The following KAZN variants were observed in gnomAD, a reference collection of about 807,000 sequenced individuals.
KAZN encodes kazrin, periplakin interacting protein.
In KAZN, 40 loss-of-function variants were observed where a neutral mutation model predicts 87.4. The ratio of observed to expected loss-of-function variants is 0.46; its 90% CI spans 0.36 to 0.60. The LOEUF (loss-of-function observed/expected upper bound fraction) is 0.60, where lower values mean the gene tolerates loss of function less well. Ranked by LOEUF, KAZN falls within the 20% of genes least tolerant of loss-of-function variation. The pLI is 0.00. For missense variants in KAZN, 898 were observed against 1,073.9 expected (o/e 0.84, Z 2.29); for synonymous variants, 466 against 458.3 (o/e 1.02, Z -0.22).
chr1:14,016,140 G>A (rs936976745), intron 1 of KAZN, among the ~76,000 whole-genome samples: 3 of 152,144 alleles, frequency 2.0e-5, no homozygotes, highest in Non-Finnish European at 4.4e-5. Context: ...ACATCTCAGG[G>A]TGGGGTGCTC....
chr1:14,839,208 G>A (rs530974472), intron 1 of KAZN, among the ~76,000 whole-genome samples: 55 of 152,258 alleles, frequency 3.6e-4, no homozygotes, highest in Admixed American at 6.5e-4. Context: ...GTAGGATAGT[G>A]ATTAAGACTG....
intron 2 of KAZN, among the ~76,000 whole-genome samples, chr1:14,567,059 T>C (rs1274090997): frequency 1.3e-5 from 2 of 152,206 alleles, no homozygotes; most frequent in Non-Finnish European, 2.9e-5. Context: ...GAGGCCTACA[T>C]TTTGGCCTGT....
chr1:14,867,573 G>A (rs935263525), intron 1 of KAZN, among the ~76,000 whole-genome samples: 1 of 152,182 alleles, frequency 6.6e-6, no homozygotes, highest in Non-Finnish European at 1.5e-5. Flanking sequence ...CAAGGACGCC[G>A]AGAGGATGAA....
chr1:14,346,618 G>A (rs866469923), intron 2 of KAZN, among the ~76,000 whole-genome samples: 3 of 152,046 alleles, frequency 2.0e-5, no homozygotes, highest in East Asian at 3.9e-4. Flanking sequence ...GACTTCCAGC[G>A]CTCAGATCAG....
chr1:14,387,212 T>G (rs1304911755), intron 2 of KAZN, among the ~76,000 whole-genome samples: 3 of 152,114 alleles, frequency 2.0e-5, no homozygotes, highest in Non-Finnish European at 4.4e-5. Context: ...TTATACATTC[T>G]TCTAAATTTT....
In KAZN at chr1:14,057,244, C is replaced by G. The variant is rs1209327920; in HGVS notation, c.92-123191C>G. On this transcript the variant is annotated intron_variant, in intron 1 of 16. Coordinates refer to the KAZN transcript ENST00000636203. ...CTGGCTCCCAGGTTCAAGTGATTCT[C>G]CTGCTTCAGCCTCCTGAGTAGCTGG... Among the ~76,000 whole-genome samples the G allele has an allele frequency of 2.0e-5, 3 of 151,598 alleles. 1 individual carries two copies. The South Asian group carries it at 6.2e-4, about 32-fold the overall frequency.
rs148839561 is a variant in KAZN, at chr1:15,103,448, C to T, written c.1869C>T (p.Asp623=). 1.5e-5 allele frequency: 23 copies of T among 1,551,642 alleles called. No homozygotes were observed. Among genetic ancestry groups the T allele is most frequent in the Non-Finnish European group, 2.0e-5 (23 of 1,146,918 alleles). The part of the protein sequence containing the change: ...TNQRVLKWVR[D]IDLKEYADNL... ...AGCGGGTGCTCAAGTGGGTTCGAGA[C>T]ATCGACCTGAAGGTGAGGGTGATAG... Residue 623 remains aspartate, a synonymous_variant, in exon 12 of 15, where the codon GAC becomes GAT. Transcript: ENST00000376030.
At chr1:13,996,733 G>A (rs1639535915) in intron 1 of KAZN, among the ~76,000 whole-genome samples, 1 of 152,232 alleles carries the variant, frequency 6.6e-6, no homozygotes, top group African/African-American at 2.4e-5. Context: ...GGGAGGGGTG[G>A]CCACAGTCTC....
At chr1:14,894,772 T>C (rs1328405063) in intron 1 of KAZN, among the ~76,000 whole-genome samples, 2 of 152,270 alleles carry the variant, frequency 1.3e-5, no homozygotes, top group African/African-American at 4.8e-5. Context: ...ATGAATCTCC[T>C]TGCAGATTTC....
chr1:14,604,321 G>A (rs933085475), intron 1 of KAZN, among the ~76,000 whole-genome samples: 1 of 152,086 alleles, frequency 6.6e-6, no homozygotes, highest in Admixed American at 6.5e-5. Context: ...CATCCACAGG[G>A]GCAGATCATA....
intron 1 of KAZN, among the ~76,000 whole-genome samples, chr1:14,651,805 C>T (rs951893728): frequency 2.0e-5 from 3 of 152,074 alleles, no homozygotes; most frequent in African/African-American, 4.8e-5. Context: ...CTGGTTAATG[C>T]GTCTTAGTCT....
intron 2 of KAZN, among the ~76,000 whole-genome samples, chr1:15,032,487 C>A (rs557078046): frequency 6.6e-5 from 10 of 152,158 alleles, no homozygotes; most frequent in Admixed American, 5.2e-4. Flanking sequence ...CCACCGCGCC[C>A]AGCTGTGGAC....
chr1:14,839,064 G>A (rs1647624370), intron 1 of KAZN, among the ~76,000 whole-genome samples: 1 of 152,162 alleles, frequency 6.6e-6, no homozygotes, highest in Admixed American at 6.5e-5. Context: ...GTGCATGGAG[G>A]GAAGACTTTC....
intron 1 of KAZN, among the ~76,000 whole-genome samples, chr1:14,016,145 G>T (rs1640560755): frequency 6.6e-6 from 1 of 152,118 alleles, no homozygotes; most frequent in African/African-American, 2.4e-5. Context: ...TCAGGGTGGG[G>T]TGCTCATTTC....
intron 1 of KAZN, among the ~76,000 whole-genome samples, chr1:14,882,432 G>A (rs532105938): frequency 7.9e-5 from 12 of 152,248 alleles, no homozygotes; most frequent in Non-Finnish European, 1.5e-4. Context: ...TCTTGGCCTC[G>A]GTTTCCTTGT....
At chr1:14,673,533 G>A (rs747073707) in intron 1 of KAZN, among the ~76,000 whole-genome samples, 2 of 152,176 alleles carry the variant, frequency 1.3e-5, no homozygotes, top group Non-Finnish European at 2.9e-5. Flanking sequence ...GGGAGGAAGC[G>A]TCCTTCGAGA....
intron 1 of KAZN, among the ~76,000 whole-genome samples, chr1:14,758,332 ATATT>A (rs35994176): frequency 6.0e-5 from 9 of 149,908 alleles, no homozygotes; most frequent in African/African-American, 2.0e-4. Context: ...CACCCAACTA[ATATT>A]TATTTATTTA....
chr1:15,094,429 T>G lies in KAZN; in HGVS notation c.1428+44T>G. 6.4e-7 allele frequency: 1 copy of G among 1,553,448 alleles called. No individual in the cohort carries two copies. The highest frequency in any genetic ancestry group is 8.8e-7 in the Non-Finnish European group (1 of 1,140,954). On this transcript the variant is annotated intron_variant, in intron 9 of 14. Transcript: ENST00000376030. This position sits in a 1 kb window ranked among gnomAD's most constrained non-coding sequence, Gnocchi z 4.5. ...CCTATGGGATGCCACCCATGCCCTC[T>G]GTGAGCTTTACGTACCCAGAAGCTG...
chr1:14,529,030 G>A (rs750871411), intron 2 of KAZN, among the ~76,000 whole-genome samples: 20 of 151,574 alleles, frequency 1.3e-4, no homozygotes, highest in Non-Finnish European at 2.1e-4. Context: ...TCGGCCCGGC[G>A]CGGTGGCTCA....
Sources: gnomAD v4.1 joint callset for allele counts (sites outside exome capture counted in the v4.1 genomes callset) on GRCh38, gnomAD v4.1.1 for gene constraint, Gnocchi (gnomAD v3.1) non-coding constraint, MANE v1.5 for transcripts, NCBI Gene and HGNC (gene_info 2026-07-23, HGNC 2026-07-21) for gene names.